PTPRJ: variants seen among roughly 807,000 people sequenced by gnomAD.
PTPRJ encodes protein tyrosine phosphatase receptor type J, also known as receptor-type tyrosine-protein phosphatase eta.
A neutral mutation model predicts 141.3 loss-of-function variants in PTPRJ; 129 were observed. That is an observed-to-expected ratio of 0.91 (90% CI 0.79 to 1.06). The LOEUF (loss-of-function observed/expected upper bound fraction) is 1.06. Among genes scored for constraint, PTPRJ ranks in the 50% least tolerant of loss-of-function variants. The pLI is 0.00. For missense variants in PTPRJ, 1,601 were observed against 1,679.7 expected (o/e 0.95, Z 0.82); for synonymous variants, 610 against 640.5 (o/e 0.95, Z 0.72).
intron 1 of PTPRJ, among the ~76,000 whole-genome samples, chr11:48,099,847 A>C (rs1856108527): frequency 6.6e-6 from 1 of 152,166 alleles, no homozygotes; most frequent in African/African-American, 2.4e-5. Flanking sequence ...AGAGGATTGC[A>C]GAACAGCGGC....
rs1278336561 is a variant in PTPRJ at position 48,157,507 on chromosome 11, G to T, written c.3438+1388G>T. On this transcript the variant is annotated intron_variant, in intron 21 of 24. Transcript: ENST00000418331. ...ATCCATCAGCATCACCAGGAGGGTG[G>T]TTCTACCCTCAGAGTTTCTAATTCG... Among the ~76,000 whole-genome samples, 7 of 152,336 alleles carry T rather than the reference G, an allele frequency of 4.6e-5. No homozygotes were observed. In the South Asian group the frequency reaches 1.4e-3, roughly 32 times the overall value.
chr11:48,164,968 T>C (rs542239227), intron 24 of PTPRJ, among the ~76,000 whole-genome samples: 1 of 152,350 alleles, frequency 6.6e-6, no homozygotes, highest in East Asian at 1.9e-4. Flanking sequence ...TAACACTGGA[T>C]TTCTTTGCAG....
intron 1 of PTPRJ, among the ~76,000 whole-genome samples, chr11:48,029,679 T>C (rs551446429): frequency 1.3e-5 from 2 of 152,384 alleles, no homozygotes; most frequent in South Asian, 2.1e-4. Context: ...AGGATTTCTT[T>C]AGCGGTCTTT....
Position 48,155,812 on chromosome 11 carries a change from C to T in PTPRJ, c.3241C>T (p.Arg1081Cys), listed in dbSNP as rs1024704269. 27 of 1,598,168 alleles carry T rather than the reference C, an allele frequency of 1.7e-5. No homozygotes were observed. The highest frequency in any genetic ancestry group is 2.2e-5 in the East Asian group (1 of 44,788). The stretch of plus-strand genomic sequence containing the variant: ...TTTTAATGTCACAGATGATATTTCC[C>T]GTGTCAAACTTTCGGTCCAGACCCA... ...YNNVLPYDIS[R>C]VKLSVQTHST... The change falls in exon 20 of 25, where the codon CGT (arginine) becomes TGT (cysteine). Residue 1081 changes from arginine (R) to cysteine (C), a missense_variant. Transcript: ENST00000418331.
chr11:47,986,643 A>T (rs890611034), intron 1 of PTPRJ, among the ~76,000 whole-genome samples: 7 of 152,114 alleles, frequency 4.6e-5, no homozygotes, highest in Non-Finnish European at 8.8e-5. Context: ...TAGTCTCCTG[A>T]GTAGCTGGGA....
intron 8 of PTPRJ, among the ~76,000 whole-genome samples, chr11:48,135,476 C>CTTTT (rs34709299): frequency 1.1e-3 from 62 of 58,226 alleles, no homozygotes; most frequent in African/African-American, 2.6e-3. Flanking sequence ...CGCGCCTGGC[C>CTTTT]TTTTTTTTTT....
intron 4 of PTPRJ, among the ~76,000 whole-genome samples, chr11:48,122,008 G>A (rs1182319495): frequency 6.6e-6 from 1 of 152,160 alleles, no homozygotes; most frequent in Non-Finnish European, 1.5e-5. Flanking sequence ...CCAGCGTGGA[G>A]CAGCAAATAT....
intron 1 of PTPRJ, among the ~76,000 whole-genome samples, chr11:48,059,110 C>T (rs143848318): frequency 0.074 from 7,556 of 102,162 alleles, 661 homozygotes; most frequent in African/African-American, 0.22. Flanking sequence ...TGTGCTGTGC[C>T]TTTTTTTTTT....
intron 1 of PTPRJ, among the ~76,000 whole-genome samples, chr11:48,001,352 G>GTGTGTGTA (rs911510483): frequency 8.9e-6 from 1 of 112,056 alleles, no homozygotes; most frequent in Admixed American, 8.0e-5. Flanking sequence ...GCCCCAAAGT[G>GTGTGTGTA]TGTGTGTGTG....
Position 48,149,987 on chromosome 11 carries a change from A to C in PTPRJ, c.3042-3A>C. On this transcript the variant is annotated splice_region_variant and splice_polypyrimidine_tract_variant and intron_variant, in intron 16 of 24. Coordinates refer to ENST00000418331, the MANE Select transcript of PTPRJ (RefSeq NM_002843.4). ...ATTTTTTCTTTCCCTTTCTATCATG[A>C]AGACCTAAAAAGTGAGTAATCTCTT... The C allele has an allele frequency of 6.8e-7, 1 of 1,463,112 alleles. No homozygotes were observed. The highest frequency in any genetic ancestry group is 9.5e-7 in the Non-Finnish European group (1 of 1,051,392). The allele number at this position is 1,463,112 out of a possible 1,614,324, so 90.6% of individuals were successfully genotyped here. A position where few individuals can be genotyped will look rare whatever the true frequency, so the allele number is the denominator to read the frequency against.
At chr11:48,074,190 G>T (rs923203945) in intron 1 of PTPRJ, among the ~76,000 whole-genome samples, 1 of 151,968 alleles carries the variant, frequency 6.6e-6, no homozygotes, top group African/African-American at 2.4e-5. Flanking sequence ...ACGTTGCTCA[G>T]GCTGTAATTT....
At chr11:48,076,032 C>G (rs1855391177) in intron 1 of PTPRJ, among the ~76,000 whole-genome samples, 1 of 152,204 alleles carries the variant, frequency 6.6e-6, no homozygotes, top group Non-Finnish European at 1.5e-5. Context: ...CTTCCCCCTA[C>G]CCCAGCCAGG....
At chr11:47,986,466 C>T (rs1590382374) in intron 1 of PTPRJ, among the ~76,000 whole-genome samples, 1 of 152,186 alleles carries the variant, frequency 6.6e-6, no homozygotes, top group African/African-American at 2.4e-5. Flanking sequence ...GTTGTGGCTG[C>T]TGCTGTTACT....
chr11:48,114,326 T>C (rs1008714908), intron 3 of PTPRJ, among the ~76,000 whole-genome samples: 4 of 145,862 alleles, frequency 2.7e-5, no homozygotes, highest in Non-Finnish European at 3.0e-5. Flanking sequence ...TAATCCCAGC[T>C]ACTCGGGAGG....
At chr11:48,119,034 A>AG (rs1397442695) in intron 3 of PTPRJ, among the ~76,000 whole-genome samples, 1 of 151,624 alleles carries the variant, frequency 6.6e-6, no homozygotes, top group Admixed American at 6.6e-5. Context: ...AAAAAAAAAA[A>AG]AAAAAAGAAA....
At chr11:48,097,335 G>A (rs78087267) in intron 1 of PTPRJ, among the ~76,000 whole-genome samples, 1 of 152,156 alleles carries the variant, frequency 6.6e-6, no homozygotes, top group Non-Finnish European at 1.5e-5. Context: ...GGAATTTGAG[G>A]TATGTTGATA....
chr11:48,018,982 T>C (rs1471957158), intron 1 of PTPRJ, among the ~76,000 whole-genome samples: 1 of 152,012 alleles, frequency 6.6e-6, no homozygotes, highest in Non-Finnish European at 1.5e-5. Flanking sequence ...CTCCACGCTT[T>C]CTTCTTGTGT....
intron 1 of PTPRJ, among the ~76,000 whole-genome samples, chr11:48,027,044 G>A (rs1259426267): frequency 2.7e-5 from 3 of 111,000 alleles, no homozygotes; most frequent in African/African-American, 1.1e-4. Flanking sequence ...TCGCTTTGTT[G>A]CCCAGGCTGG....
At chr11:48,165,676 C>T (rs1314534379) in intron 24 of PTPRJ, among the ~76,000 whole-genome samples, 1 of 152,012 alleles carries the variant, frequency 6.6e-6, no homozygotes, top group Non-Finnish European at 1.5e-5. Flanking sequence ...AAATTCAACT[C>T]CTGTGTTGGT....
Sources: gnomAD v4.1 joint callset for allele counts (sites outside exome capture counted in the v4.1 genomes callset) on GRCh38, gnomAD v4.1.1 for gene constraint, MANE v1.5 for transcripts, NCBI Gene and HGNC (gene_info 2026-07-23, HGNC 2026-07-21) for gene names.